The following SPON1 variants were observed in gnomAD, a reference collection of about 807,000 sequenced individuals.
SPON1 encodes spondin 1.
SPON1 carries 52 observed loss-of-function variants against 111.7 expected under a neutral mutation model. That is an observed-to-expected ratio of 0.47 (90% CI 0.37 to 0.59). The LOEUF is 0.59. Ranked by LOEUF, SPON1 falls within the 20% of genes least tolerant of loss-of-function variation. The probability of loss-of-function intolerance (pLI) is 0.00; values close to 1 mark genes in which losing one functional copy is unlikely to be tolerated. For missense variants in SPON1, 957 were observed against 1,068.5 expected (o/e 0.90, Z 1.46); for synonymous variants, 410 against 395.8 (o/e 1.04, Z -0.43).
At chr11:14,229,395 G>C (rs373806346) in intron 6 of SPON1, among the ~76,000 whole-genome samples, 1 of 152,166 alleles carries the variant, frequency 6.6e-6, no homozygotes, top group African/African-American at 2.4e-5. Context: ...CAATGCAAAA[G>C]CATGAGCCTT....
chr11:14,241,230 CTAAA>C (rs1440246016), intron 6 of SPON1, among the ~76,000 whole-genome samples: 1 of 151,916 alleles, frequency 6.6e-6, no homozygotes, highest in Admixed American at 6.6e-5. Flanking sequence ...TTCTGTGATG[CTAAA>C]ATTTTCCACA....
At chr11:14,167,506 A>G (rs972829921) in intron 6 of SPON1, among the ~76,000 whole-genome samples, 1 of 2,936 alleles carries the variant, frequency 3.4e-4, no homozygotes. Context: ...CCCAAAGGAG[A>G]AAACAAAACC....
chr11:14,076,170 C>CA (rs1189873056), intron 4 of SPON1, among the ~76,000 whole-genome samples: 11 of 151,586 alleles, frequency 7.3e-5, no homozygotes, highest in Middle Eastern at 3.4e-3. Flanking sequence ...TAATCTACTG[C>CA]AAAAAAAATT....
intron 13 of SPON1, 23 bp from the exon 14 acceptor site, chr11:14,260,565 G>T (rs1554941807): frequency 4.4e-6 from 7 of 1,607,270 alleles, no homozygotes; most frequent in Non-Finnish European, 4.3e-6. Flanking sequence ...TGTTCTCAGT[G>T]GCAAACCTGG....
At chr11:14,148,936 T>C (rs1847756277) in intron 6 of SPON1, among the ~76,000 whole-genome samples, 1 of 152,226 alleles carries the variant, frequency 6.6e-6, no homozygotes, top group Non-Finnish European at 1.5e-5. Context: ...CATACAGTCA[T>C]GCACTGCATA....
chr11:14,147,117 C>A (rs1394282024), intron 6 of SPON1, among the ~76,000 whole-genome samples: 8 of 148,528 alleles, frequency 5.4e-5, no homozygotes, highest in African/African-American at 2.0e-4. Context: ...GCAGCCTCCA[C>A]CTCCCGGGTT....
intron 2 of SPON1, among the ~76,000 whole-genome samples, chr11:14,010,860 G>A (rs1010832569): frequency 9.2e-5 from 14 of 152,154 alleles, no homozygotes; most frequent in African/African-American, 2.9e-4. Flanking sequence ...ACATATTACT[G>A]TCTTATTTCA....
intron 6 of SPON1, among the ~76,000 whole-genome samples, chr11:14,152,475 T>C (rs782665281): frequency 7.2e-5 from 11 of 152,254 alleles, no homozygotes; most frequent in Non-Finnish European, 1.3e-4. Context: ...TGTTCATTGA[T>C]AGCTACAGCT....
intron 6 of SPON1, among the ~76,000 whole-genome samples, chr11:14,195,604 T>C (rs528277736): frequency 5.9e-5 from 9 of 152,266 alleles, no homozygotes; most frequent in African/African-American, 2.2e-4. Flanking sequence ...AATTACAAGA[T>C]CAAATAACAG....
chr11:14,057,786 G>C (rs1848755873), intron 3 of SPON1, among the ~76,000 whole-genome samples: 1 of 142,808 alleles, frequency 7.0e-6, no homozygotes, highest in Non-Finnish European at 1.5e-5. Flanking sequence ...CTTGAACCCA[G>C]GAGTTCAAGA....
chr11:14,226,279 G>A (rs1203758598), intron 6 of SPON1, among the ~76,000 whole-genome samples: 2 of 152,172 alleles, frequency 1.3e-5, no homozygotes, highest in Non-Finnish European at 2.9e-5. Flanking sequence ...AGTTACAGAT[G>A]CCTCTTTACC....
At position 13,962,903 on chromosome 11, in the gene SPON1, A is replaced by AGAT; in HGVS notation, c.2_4dup. The AGAT allele has an allele frequency of 6.6e-7, 1 of 1,519,398 alleles. No homozygotes were observed. The highest frequency in any genetic ancestry group is 8.8e-7 in the Non-Finnish European group (1 of 1,138,280). 94.1% of individuals were successfully genotyped at this position (1,519,398 alleles called of 1,614,324 possible). A position where few individuals can be genotyped will look rare whatever the true frequency, so the allele number is the denominator to read the frequency against. ...CGCGGCACAAAGTTGGGGGCCGCGA[A>AGAT]GATGAGGCTGTCCCCGGCGCCCCTG... On this transcript the variant is annotated 5_prime_UTR_variant, in exon 1 of 16. It adds an upstream start codon to the 5' untranslated region. Transcript: ENST00000576479.
intron 5 of SPON1, among the ~76,000 whole-genome samples, chr11:14,124,879 T>A (rs1032550350): frequency 6.6e-6 from 1 of 152,222 alleles, no homozygotes; most frequent in Non-Finnish European, 1.5e-5. Context: ...ATCAATTTTA[T>A]AAGTGCAAGA....
chr11:14,209,226 A>C (rs373435347), intron 6 of SPON1, among the ~76,000 whole-genome samples: 1 of 152,300 alleles, frequency 6.6e-6, no homozygotes, highest in South Asian at 2.1e-4. Context: ...TTTGAGGCCC[A>C]AAGCTTATAT....
At chr11:14,124,792 A>G (rs1847436048) in intron 5 of SPON1, among the ~76,000 whole-genome samples, 1 of 152,260 alleles carries the variant, frequency 6.6e-6, no homozygotes, top group African/African-American at 2.4e-5. Flanking sequence ...CACATAGTAT[A>G]ATCCCAGTAA....
chr11:14,043,420 C>T (rs1257770745), intron 3 of SPON1, among the ~76,000 whole-genome samples: 1 of 152,192 alleles, frequency 6.6e-6, no homozygotes, highest in East Asian at 1.9e-4. Flanking sequence ...GAGCAGTTGA[C>T]AGTTCCTTGG....
At chr11:14,066,633 G>C (rs1191808619) in intron 3 of SPON1, among the ~76,000 whole-genome samples, 5 of 152,144 alleles carry the variant, frequency 3.3e-5, no homozygotes, top group African/African-American at 1.2e-4. Context: ...GCATGTGAAA[G>C]CTTCCTCCAG....
intron 6 of SPON1, among the ~76,000 whole-genome samples, chr11:14,209,944 A>G (rs1554936527): frequency 6.6e-6 from 1 of 152,136 alleles, no homozygotes. Context: ...CTTTTTAATG[A>G]TCACCATTCT....
At chr11:14,014,976 G>A (rs1220692246) in intron 2 of SPON1, among the ~76,000 whole-genome samples, 1 of 152,036 alleles carries the variant, frequency 6.6e-6, no homozygotes, top group African/African-American at 2.4e-5. Flanking sequence ...GTGTATGTCT[G>A]TGCACGTACA....
Sources: allele counts gnomAD v4.1 joint callset (sites outside exome capture counted in the v4.1 genomes callset), GRCh38; gene constraint gnomAD v4.1.1; transcripts MANE v1.5; gene names NCBI Gene and HGNC (gene_info 2026-07-23, HGNC 2026-07-21).